Variants in VCL observed in about 807,000 individuals in gnomAD.
VCL encodes epididymis luminal protein 114.
VCL carries 47 observed loss-of-function variants against 125.7 expected under a neutral mutation model. The observed-to-expected ratio is 0.37, with a 90% CI of 0.30 to 0.48. VCL has a LOEUF of 0.48. Ranked by LOEUF, VCL falls within the 20% of genes least tolerant of loss-of-function variation. The pLI, the probability that VCL is intolerant of heterozygous loss-of-function variation, is 0.99. For synonymous variants in VCL, 458 were observed against 514.6 expected, an observed-to-expected ratio of 0.89 and a Z score of 1.49; for missense variants, 1,069 against 1,455.5, an observed-to-expected ratio of 0.73 and a Z score of 4.32.
At chr10:74,013,873 C>T (rs115305173) in intron 1 of VCL, among the ~76,000 whole-genome samples, 2,114 of 149,262 alleles carry the variant, frequency 0.014, 45 homozygotes, top group African/African-American at 0.047. Context: ...ATATTTTAAA[C>T]GTTAGTCTAA....
At chr10:74,109,755 C>G (rs1472075799) in intron 18 of VCL, among the ~76,000 whole-genome samples, 2 of 152,092 alleles carry the variant, frequency 1.3e-5, no homozygotes, top group Admixed American at 6.6e-5. Context: ...CAGTCTTGCC[C>G]TATGAATAAC....
At chr10:74,042,188 C>T (rs972626079) in intron 1 of VCL, among the ~76,000 whole-genome samples, 1 of 152,148 alleles carries the variant, frequency 6.6e-6, no homozygotes, top group South Asian at 2.1e-4. Context: ...TCCTATAATG[C>T]CAAGTTTTTA....
At chr10:74,009,548 C>G (rs375803907) in intron 1 of VCL, among the ~76,000 whole-genome samples, 2 of 151,080 alleles carry the variant, frequency 1.3e-5, no homozygotes, top group South Asian at 2.1e-4. Context: ...CATGAGCCAC[C>G]GCGCCCGGCT....
intron 1 of VCL, among the ~76,000 whole-genome samples, chr10:74,026,915 A>C (rs1003242811): frequency 1.3e-5 from 2 of 152,210 alleles, no homozygotes; most frequent in Non-Finnish European, 2.9e-5. Flanking sequence ...AAATTCGTTT[A>C]CAAGTTGGTT....
At chr10:74,104,097 T>G (rs1840098022) in intron 15 of VCL, among the ~76,000 whole-genome samples, 169 bp downstream of exon 15, 1 of 152,226 alleles carries the variant, frequency 6.6e-6, no homozygotes, top group Non-Finnish European at 1.5e-5. Flanking sequence ...GGCTTCTCAT[T>G]CAAGCCTTGC....
intron 1 of VCL, among the ~76,000 whole-genome samples, chr10:74,038,090 C>T (rs1841020147): frequency 2.0e-5 from 3 of 151,944 alleles, no homozygotes; most frequent in African/African-American, 7.2e-5. Context: ...CTCCTCCTCC[C>T]AGGTTCAAGC....
chr10:74,049,768 T>G (rs901424182), intron 2 of VCL, among the ~76,000 whole-genome samples: 1 of 152,130 alleles, frequency 6.6e-6, no homozygotes, highest in Non-Finnish European at 1.5e-5. Flanking sequence ...AGGATGACAA[T>G]ATGAAAGCAT....
At chr10:74,004,784 A>G (rs1028071286) in intron 1 of VCL, among the ~76,000 whole-genome samples, 1 of 151,086 alleles carries the variant, frequency 6.6e-6, no homozygotes, top group East Asian at 1.9e-4. Context: ...AGCTCACCGC[A>G]ACCTCCGCCT....
rs994227639 is a variant in VCL at position 74,118,402 on chromosome 10, G to C, written c.*233G>C. 1 of 574,242 alleles carries C rather than the reference G, an allele frequency of 1.7e-6. No homozygotes were observed. The highest frequency in any genetic ancestry group is 1.9e-5 in the African/African-American group (1 of 53,468). 35.6% of individuals were successfully genotyped at this position (574,242 alleles called of 1,614,324 possible). A position where few individuals can be genotyped will look rare whatever the true frequency, so the allele number is the denominator to read the frequency against. ...TATTCTCAAACACAGTTACACTTGTGCACCCTCTATCCCAATAGGCAGACT... is the reference window on the plus strand; with the variant it reads ...TATTCTCAAACACAGTTACACTTGTCCACCCTCTATCCCAATAGGCAGACT... On this transcript the variant is annotated 3_prime_UTR_variant, in exon 22 of 22. Coordinates refer to ENST00000211998, the MANE Select transcript of VCL (RefSeq NM_014000.3).
intron 1 of VCL, among the ~76,000 whole-genome samples, chr10:74,018,116 C>T (rs1424376327): frequency 7.4e-6 from 1 of 134,838 alleles, no homozygotes; most frequent in Non-Finnish European, 1.6e-5. Context: ...GCCTGGGCAA[C>T]AGAGCGAGAC....
intron 2 of VCL, among the ~76,000 whole-genome samples, chr10:74,045,731 A>G (rs1254330866): frequency 6.6e-6 from 1 of 152,048 alleles, no homozygotes; most frequent in Non-Finnish European, 1.5e-5. Flanking sequence ...AATGGTCACC[A>G]CAGCCAGGGT....
At chr10:74,117,899 A>T in intron 21 of VCL, 124 bp from the exon 22 acceptor site, 1 of 1,401,690 alleles carries the variant, frequency 7.1e-7, no homozygotes, top group Non-Finnish European at 1.0e-6. Flanking sequence ...TAGTGATGCA[A>T]GCAAATATGG....
In VCL at chr10:74,097,072, T is replaced by C; in HGVS notation, c.1744-132T>C. 1 of 1,344,302 alleles carries C rather than the reference T, an allele frequency of 7.4e-7. No homozygotes were observed. The highest frequency in any genetic ancestry group is 1.2e-5 in the South Asian group (1 of 84,714). 83.3% of individuals were successfully genotyped at this position (1,344,302 alleles called of 1,614,324 possible). A position where few individuals can be genotyped will look rare whatever the true frequency, so the allele number is the denominator to read the frequency against. ...ACCTGTTCTGTGCTAGCTCAGTGCT[T>C]TGTACACAGTTAACAAATATTTATT... is the stretch of plus-strand genomic sequence containing the variant. On this transcript the variant is annotated intron_variant, in intron 12 of 21. Transcript: ENST00000211998. This position sits in a 1 kb window ranked among gnomAD's most constrained non-coding sequence, Gnocchi z 4.1.
chr10:74,068,954 GAACAA>G (rs1447109283), intron 2 of VCL, among the ~76,000 whole-genome samples: 3 of 136,918 alleles, frequency 2.2e-5, no homozygotes, highest in African/African-American at 7.2e-5. Context: ...AAATTAAAAA[GAACAA>G]AATATCCAGT....
chr10:74,059,561 C>T (rs1214925760), intron 2 of VCL, among the ~76,000 whole-genome samples: 1 of 152,056 alleles, frequency 6.6e-6, no homozygotes, highest in African/African-American at 2.4e-5. Context: ...TGTGCCACCA[C>T]GCTTGGCTAA....
chr10:74,073,640 G>C (rs1839527801), intron 5 of VCL, among the ~76,000 whole-genome samples: 2 of 152,172 alleles, frequency 1.3e-5, no homozygotes, highest in Non-Finnish European at 2.9e-5. Flanking sequence ...TTTACATCAT[G>C]AGTAGATCAG....
At chr10:74,001,809 G>A (rs1840230840) in intron 1 of VCL, among the ~76,000 whole-genome samples, 1 of 152,036 alleles carries the variant, frequency 6.6e-6, no homozygotes, top group African/African-American at 2.4e-5. Flanking sequence ...TACTTTGGGA[G>A]GTTATATCCT....
chr10:74,075,499 C>T (rs1270923050), intron 6 of VCL: 2 of 153,906 alleles, frequency 1.3e-5, no homozygotes, highest in Admixed American at 6.5e-5. Flanking sequence ...TGGCAGATTC[C>T]TTCTAGAGCC....
intron 2 of VCL, among the ~76,000 whole-genome samples, chr10:74,058,901 G>T (rs971913809): frequency 3.9e-5 from 6 of 152,038 alleles, no homozygotes; most frequent in Non-Finnish European, 8.8e-5. Context: ...GTGTGTGTGT[G>T]TGTGTGCGTG....
Sources: gnomAD v4.1 joint callset for allele counts (sites outside exome capture counted in the v4.1 genomes callset) on GRCh38, gnomAD v4.1.1 for gene constraint, Gnocchi (gnomAD v3.1) non-coding constraint, MANE v1.5 for transcripts, NCBI Gene and HGNC (gene_info 2026-07-23, HGNC 2026-07-21) for gene names.